Variants in MAPKAP1 observed in about 807,000 individuals in gnomAD.
MAPKAP1 encodes target of rapamycin complex 2 subunit MAPKAP1.
In MAPKAP1, 20 loss-of-function variants were observed where a neutral mutation model predicts 65.7. The ratio of observed to expected loss-of-function variants is 0.30; its 90% CI spans 0.21 to 0.44. MAPKAP1 has a LOEUF of 0.44. Ranked by LOEUF, MAPKAP1 falls within the 20% of genes least tolerant of loss-of-function variation. The pLI is 1.00. For synonymous variants in MAPKAP1, 222 were observed against 244.3 expected (o/e 0.91, Z 0.85); for missense variants, 423 against 648.0 (o/e 0.65, Z 3.77).
chr9:125,501,813 T>C (rs1189381418), intron 8 of MAPKAP1, among the ~76,000 whole-genome samples: 1 of 152,156 alleles, frequency 6.6e-6, no homozygotes, highest in Non-Finnish European at 1.5e-5. Context: ...ATCTTGTATT[T>C]ATTTACAAGA....
intron 4 of MAPKAP1, among the ~76,000 whole-genome samples, chr9:125,620,612 C>T (rs1221240766): frequency 1.3e-5 from 2 of 152,202 alleles, no homozygotes; most frequent in Non-Finnish European, 2.9e-5. Context: ...GTCAAGTCTT[C>T]ACCGACAGAG....
intron 6 of MAPKAP1, among the ~76,000 whole-genome samples, chr9:125,553,088 G>T (rs181928125): frequency 6.6e-6 from 1 of 151,954 alleles, no homozygotes; most frequent in Non-Finnish European, 1.5e-5. Context: ...GTGTGTGGGG[G>T]GGTGTATGAG....
At chr9:125,677,730 T>C (rs1288060110) in intron 1 of MAPKAP1, among the ~76,000 whole-genome samples, 1 of 151,994 alleles carries the variant, frequency 6.6e-6, no homozygotes, top group African/African-American at 2.4e-5. Context: ...ATAGACCTTT[T>C]TACATACCTT....
At chr9:125,664,703 C>A (rs1290570720) in intron 3 of MAPKAP1, among the ~76,000 whole-genome samples, 11 of 105,780 alleles carry the variant, frequency 1.0e-4, no homozygotes, top group African/African-American at 3.6e-4. Flanking sequence ...CCAGCCTGGG[C>A]AACAGAGCAA....
chr9:125,438,953 T>C lies in MAPKAP1; in HGVS notation c.1503A>G (p.Lys501=), dbSNP rs758769941. The C allele has an allele frequency of 1.2e-6, 2 of 1,614,206 alleles. No individual in the cohort carries two copies. The highest frequency in any genetic ancestry group is 2.2e-5 in the East Asian group (1 of 44,884). The change falls in exon 12 of 12, where the codon AAA becomes AAG. Residue 501 remains lysine, a synonymous_variant. Transcript: ENST00000265960. ...STARADYFAQ[K]QRKLNRRTSF... is the part of the protein sequence containing the mutation. ...TCGTACGTCTGTTCAGTTTTCTTTGTTTTTGAGCAAAGTAGTCAGCCCGGG... is the reference window on the plus strand; with the variant it reads ...TCGTACGTCTGTTCAGTTTTCTTTGCTTTTGAGCAAAGTAGTCAGCCCGGG...
At chr9:125,525,628 G>A (rs540509872) in intron 7 of MAPKAP1, among the ~76,000 whole-genome samples, 1 of 151,724 alleles carries the variant, frequency 6.6e-6, no homozygotes. Flanking sequence ...AGCTGAGATT[G>A]CGCCATTGCA....
chr9:125,567,197 A>T (rs1225512354), intron 5 of MAPKAP1, among the ~76,000 whole-genome samples: 1 of 152,190 alleles, frequency 6.6e-6, no homozygotes, highest in Non-Finnish European at 1.5e-5. Context: ...TCATTCTGTC[A>T]AAGGCGTGTG....
At chr9:125,508,064 G>T (rs1829195808) in intron 7 of MAPKAP1, among the ~76,000 whole-genome samples, 1 of 152,168 alleles carries the variant, frequency 6.6e-6, no homozygotes, top group African/African-American at 2.4e-5. Flanking sequence ...TACTCGGGAG[G>T]CTGAGGCGGG....
intron 4 of MAPKAP1, among the ~76,000 whole-genome samples, chr9:125,620,312 A>G (rs1431030951): frequency 6.6e-6 from 1 of 152,168 alleles, no homozygotes; most frequent in African/African-American, 2.4e-5. Flanking sequence ...AAAATTATAC[A>G]GATTCATTTT....
At chr9:125,670,750 C>T (rs1319306292) in intron 2 of MAPKAP1, among the ~76,000 whole-genome samples, 2 of 152,148 alleles carry the variant, frequency 1.3e-5, no homozygotes, top group Admixed American at 6.5e-5. Context: ...TTAACAACTG[C>T]CGCATACAGA....
intron 4 of MAPKAP1, among the ~76,000 whole-genome samples, chr9:125,611,087 G>GA: frequency 6.6e-6 from 1 of 152,312 alleles, no homozygotes; most frequent in East Asian, 1.9e-4. Context: ...CGCTAGGAGT[G>GA]AATGTCAACT....
chr9:125,551,438 GGAGCCTGCCC>G (rs1830581693), intron 6 of MAPKAP1, among the ~76,000 whole-genome samples: 1 of 152,120 alleles, frequency 6.6e-6, no homozygotes, highest in South Asian at 2.1e-4. Flanking sequence ...GTAGTCTCTG[GGAGCCTGCCC>G]AAGGCAGCCC....
chr9:125,599,032 CAAAA>C (rs377191673), intron 4 of MAPKAP1, among the ~76,000 whole-genome samples: 3 of 70,950 alleles, frequency 4.2e-5, no homozygotes, highest in Admixed American at 1.6e-4. Context: ...AACTCCGTCT[CAAAA>C]AAAAAAAAAA....
At chr9:125,485,539 A>G (rs1448843879) in intron 8 of MAPKAP1, among the ~76,000 whole-genome samples, 1 of 152,166 alleles carries the variant, frequency 6.6e-6, no homozygotes, top group East Asian at 1.9e-4. Flanking sequence ...CTTCTCACAC[A>G]TGCCTTCTCT....
At chr9:125,555,393 A>G (rs139561594) in intron 6 of MAPKAP1, among the ~76,000 whole-genome samples, 27 of 152,384 alleles carry the variant, frequency 1.8e-4, no homozygotes, top group African/African-American at 5.5e-4. Context: ...ATGTAGCAAG[A>G]TACTATTGAA....
intron 1 of MAPKAP1, among the ~76,000 whole-genome samples, chr9:125,699,585 T>A (rs1835535282): frequency 6.6e-6 from 1 of 152,128 alleles, no homozygotes. Flanking sequence ...TTTCCAATTG[T>A]GGCATCATGT....
chr9:125,534,208 T>C (rs1830010422), intron 7 of MAPKAP1, among the ~76,000 whole-genome samples: 1 of 152,146 alleles, frequency 6.6e-6, no homozygotes, highest in South Asian at 2.1e-4. Flanking sequence ...CCACATGAAA[T>C]GTATAACCTA....
At chr9:125,658,091 G>A (rs1271064332) in intron 3 of MAPKAP1, among the ~76,000 whole-genome samples, 1 of 152,160 alleles carries the variant, frequency 6.6e-6, no homozygotes, top group East Asian at 1.9e-4. Flanking sequence ...CAGGAGACCC[G>A]AGCTTTGGCC....
rs368322006 is a variant in MAPKAP1, at chr9:125,488,661, C to T, written c.1067-4078G>A. ...GTGCCCAGCCTCCAGTGTCATTTCTCAAAGTAGGCTCAGGAGTACCACTTG... is the reference window on the plus strand; with the variant it reads ...GTGCCCAGCCTCCAGTGTCATTTCTTAAAGTAGGCTCAGGAGTACCACTTG... On this transcript the variant is annotated intron_variant, in intron 8 of 11. Transcript: ENST00000265960. Among the ~76,000 whole-genome samples, 25 of 152,280 alleles carry T rather than the reference C, an allele frequency of 1.6e-4. No individual in the cohort carries two copies. The East Asian group carries it at 2.5e-3, about 15-fold the overall frequency.
Sources: gnomAD v4.1 joint callset for allele counts (sites outside exome capture counted in the v4.1 genomes callset) on GRCh38, gnomAD v4.1.1 for gene constraint, MANE v1.5 for transcripts, NCBI Gene and HGNC (gene_info 2026-07-23, HGNC 2026-07-21) for gene names.